CLDN14: variants seen among roughly 807,000 people sequenced by gnomAD.
CLDN14 encodes claudin 14.
Under a neutral mutation model 2.1 loss-of-function variants are expected in CLDN14, and 2 were observed. The ratio of observed to expected loss-of-function variants is 0.96; its 90% CI spans 0.39 to 3.01. The LOEUF (loss-of-function observed/expected upper bound fraction) is 3.01, where lower values mean the gene tolerates loss of function less well. Ranked by LOEUF, CLDN14 falls within the 30% of genes most tolerant of loss-of-function variation. The pLI is 0.09. For synonymous variants in CLDN14, 136 were observed against 154.4 expected (o/e 0.88, Z 0.88); for missense variants, 298 against 328.0 (o/e 0.91, Z 0.71).
At chr21:36,525,113 G>A (rs2087313764) in intron 1 of CLDN14, among the ~76,000 whole-genome samples, 1 of 152,184 alleles carries the variant, frequency 6.6e-6, no homozygotes, top group Non-Finnish European at 1.5e-5. Context: ...CAGCAAGCAT[G>A]GCCAAACCAC....
intron 1 of CLDN14, among the ~76,000 whole-genome samples, chr21:36,517,445 G>A (rs2087237313): frequency 6.6e-6 from 1 of 152,162 alleles, no homozygotes; most frequent in South Asian, 2.1e-4. Flanking sequence ...AACCTGAGAA[G>A]TTCACCTTCT....
intron 1 of CLDN14, among the ~76,000 whole-genome samples, chr21:36,515,833 C>A (rs1480369151): frequency 4.5e-5 from 6 of 133,320 alleles, no homozygotes; most frequent in Admixed American, 3.2e-4. Context: ...GTCACCCAGG[C>A]TGGAGTGCAT....
intron 1 of CLDN14, among the ~76,000 whole-genome samples, chr21:36,559,309 G>A (rs1214093544): frequency 6.6e-6 from 1 of 152,146 alleles, no homozygotes; most frequent in Non-Finnish European, 1.5e-5. Flanking sequence ...TGATTCTCCT[G>A]CCTCAGCCTC....
At chr21:36,519,990 G>C (rs987127538) in intron 1 of CLDN14, among the ~76,000 whole-genome samples, 5 of 152,174 alleles carry the variant, frequency 3.3e-5, no homozygotes, top group African/African-American at 9.7e-5. Flanking sequence ...TATGTGGTTT[G>C]TAGCAATAGT....
At chr21:36,563,912 A>G (rs1195487394) in intron 1 of CLDN14, among the ~76,000 whole-genome samples, 1 of 152,200 alleles carries the variant, frequency 6.6e-6, no homozygotes, top group East Asian at 1.9e-4. Context: ...TTATGTTATC[A>G]AAAAGACAGA....
At chr21:36,486,985 AAT>A in intron 2 of CLDN14, 5 of 359,786 alleles carry the variant, frequency 1.4e-5, no homozygotes, top group South Asian at 2.8e-5. Context: ...GATTTTGTTT[AAT>A]TTTTTTTTTT....
chr21:36,534,935 AG>A (rs1403295920), intron 1 of CLDN14, among the ~76,000 whole-genome samples: 1 of 152,208 alleles, frequency 6.6e-6, no homozygotes, highest in Non-Finnish European at 1.5e-5. Context: ...CAAGCCAGGA[AG>A]GGTTGTGGCA....
At chr21:36,528,933 C>T (rs1021737802) in intron 1 of CLDN14, among the ~76,000 whole-genome samples, 8 of 152,168 alleles carry the variant, frequency 5.3e-5, no homozygotes, top group African/African-American at 1.7e-4. Flanking sequence ...AGCTCGGCTG[C>T]GGCTGACAGC....
intron 2 of CLDN14, among the ~76,000 whole-genome samples, chr21:36,507,667 G>A (rs1337516844): frequency 1.3e-5 from 2 of 152,198 alleles, no homozygotes; most frequent in Non-Finnish European, 2.9e-5. Context: ...GGCAGGCTGA[G>A]GCGGGAGAAT....
rs534105390 is a variant in CLDN14 at position 36,486,724 on chromosome 21, T to C, written c.-82+23639A>G. 85 of 1,086,820 alleles carry C rather than the reference T, an allele frequency of 7.8e-5. 2 individuals carry two copies. The South Asian group carries it at 1.1e-3, about 14-fold the overall frequency. The allele number at this position is 1,086,820 out of a possible 1,614,324, so 67.3% of individuals were successfully genotyped here. A position where few individuals can be genotyped will look rare whatever the true frequency, so the allele number is the denominator to read the frequency against. On this transcript the variant is annotated intron_variant, in intron 2 of 2. Coordinates refer to the CLDN14 transcript ENST00000342108. Reference sequence around the variant, plus strand: ...TCTCCTTCTTGAGGAATTTAGCCAGTTTCACCAGATCCTTCTCATTGCCTT... The same window carrying C: ...TCTCCTTCTTGAGGAATTTAGCCAGCTTCACCAGATCCTTCTCATTGCCTT...
intron 2 of CLDN14, among the ~76,000 whole-genome samples, chr21:36,508,209 T>C (rs1601616561): frequency 1.3e-5 from 2 of 152,348 alleles, no homozygotes; most frequent in Non-Finnish European, 2.9e-5. Context: ...TTTCATGTTC[T>C]AGGGAACAGT....
intron 1 of CLDN14, among the ~76,000 whole-genome samples, chr21:36,474,872 G>A (rs219755): frequency 0.32 from 49,353 of 152,034 alleles, 8,865 homozygotes; most frequent in African/African-American, 0.49. Context: ...GAGGGGAGGC[G>A]GGAGCAGGAG....
intron 1 of CLDN14, among the ~76,000 whole-genome samples, chr21:36,535,184 G>T (rs2087414384): frequency 6.6e-6 from 1 of 152,182 alleles, no homozygotes; most frequent in African/African-American, 2.4e-5. Flanking sequence ...GAGGTCAGGA[G>T]TTTGAGACCA....
chr21:36,492,012 G>A (rs905419214), intron 2 of CLDN14, among the ~76,000 whole-genome samples: 1 of 152,176 alleles, frequency 6.6e-6, no homozygotes, highest in Non-Finnish European at 1.5e-5. Context: ...GTGTGATTAA[G>A]TTAGTATGTG....
At chr21:36,485,922 C>T (rs746360065) in intron 2 of CLDN14, 2 of 965,762 alleles carry the variant, frequency 2.1e-6, no homozygotes, top group South Asian at 1.6e-5. Context: ...ACATCTAACC[C>T]TATATTCTCT....
At chr21:36,568,345 T>C (rs976560088) in intron 1 of CLDN14, among the ~76,000 whole-genome samples, 1 of 152,180 alleles carries the variant, frequency 6.6e-6, no homozygotes, top group African/African-American at 2.4e-5. Flanking sequence ...TGAGCCAAGG[T>C]CATGCTGATT....
rs777338181 is a variant in CLDN14, at chr21:36,515,789, C to CTCTTTTTTTTT, written c.-219-5290_-219-5289insAAAAAAAAAGA. 3.8e-3 allele frequency among the ~76,000 whole-genome samples: 441 copies of CTCTTTTTTTTT among 115,294 alleles called. 4 individuals are homozygous for CTCTTTTTTTTT. The highest frequency in any genetic ancestry group is 9.3e-3 in the African/African-American group (263 of 28,200). The allele number at this position is 115,294 out of a possible 152,430, so 75.6% of individuals were successfully genotyped here. On this transcript the variant is annotated intron_variant, in intron 1 of 2. Transcript: ENST00000342108. ...AAGCTGTGTTTCCCTTTTATCTTCT[C>CTCTTTTTTTTT]TTTTTTTTTTTTTTTGAGACAGAGT...
chr21:36,568,771 C>A (rs576972943), intron 1 of CLDN14, among the ~76,000 whole-genome samples: 8 of 152,234 alleles, frequency 5.3e-5, no homozygotes, highest in Non-Finnish European at 7.3e-5. Flanking sequence ...CCTCTTTCCT[C>A]TTCTCACAGA....
chr21:36,487,308 A>G (rs1301082848), intron 2 of CLDN14: 4 of 232,842 alleles, frequency 1.7e-5, no homozygotes, highest in East Asian at 1.3e-4. Context: ...ATGACATACT[A>G]TGTTGACAGC....
Sources: gnomAD v4.1 joint callset for allele counts (sites outside exome capture counted in the v4.1 genomes callset) on GRCh38, gnomAD v4.1.1 for gene constraint, MANE v1.5 for transcripts, NCBI Gene and HGNC (gene_info 2026-07-23, HGNC 2026-07-21) for gene names.